CREBBP: variants seen among roughly 807,000 people sequenced by gnomAD.
CREBBP encodes the protein CREB-binding protein.
A neutral mutation model predicts 265.0 loss-of-function variants in CREBBP; 19 were observed. The observed-to-expected ratio is 0.07, with a 90% confidence interval of 0.05 to 0.11. The LOEUF (loss-of-function observed/expected upper bound fraction) is 0.11, where lower values mean the gene tolerates loss of function less well. Ranked by LOEUF, CREBBP falls within the 10% of genes least tolerant of loss-of-function variation. The pLI, the probability that CREBBP is intolerant of heterozygous loss-of-function variation, is 1.00. For missense variants in CREBBP, 2,525 were observed against 3,219.0 expected (o/e 0.78, Z 5.22); for synonymous variants, 1,457 against 1,223.7 (o/e 1.19, Z -3.98).
chr16:3,726,544 A>G lies in CREBBP; in HGVS notation c.*1174T>C. On this transcript the variant is annotated 3_prime_UTR_variant, in exon 31 of 31. Transcript: ENST00000262367. ...CCGCAGCCCCAGCCTCTCCGCTATG[A>G]GCGAACAACCAGAACCATGTCTTAC... 4.3e-6 allele frequency: 1 copy of G among 233,812 alleles called. No individual in the cohort carries two copies. Among genetic ancestry groups the G allele is most frequent in the Non-Finnish European group, 8.5e-6 (1 of 118,062 alleles). 14.5% of individuals were successfully genotyped at this position (233,812 alleles called of 1,614,324 possible).
At chr16:3,836,639 T>G (rs1464149860) in intron 2 of CREBBP, among the ~76,000 whole-genome samples, 2 of 151,878 alleles carry the variant, frequency 1.3e-5, no homozygotes, top group East Asian at 3.9e-4. Context: ...AAATTACAAC[T>G]CCAAAAATAA....
At chr16:3,790,957 G>C (rs545952609) in intron 5 of CREBBP, among the ~76,000 whole-genome samples, 23 of 152,246 alleles carry the variant, frequency 1.5e-4, no homozygotes, top group African/African-American at 5.3e-4. Context: ...ATGTTCTCCA[G>C]GCAGCTGCGG....
intron 2 of CREBBP, 90 bp downstream of exon 2, chr16:3,850,207 G>T (rs376051173): frequency 1.1e-5 from 14 of 1,307,602 alleles, no homozygotes; most frequent in African/African-American, 1.5e-5. Flanking sequence ...GGAAAAACAG[G>T]AGTGGGCCAC....
In CREBBP at chr16:3,728,423, T is replaced by G. The variant is rs142545779; in HGVS notation, c.6624A>C (p.Gln2208His). ...CTTGCTGCTGCTGCTGTTGCTGCTGTTGTTGCTGCTGCTGTTGCTGCTGCT... is the reference window on the plus strand; with the variant it reads ...CTTGCTGCTGCTGCTGTTGCTGCTGGTGTTGCTGCTGCTGTTGCTGCTGCT... ...LQQQQQQQQQQQQQQQQQQGS... is the reference protein window; with the variant it reads ...LQQQQQQQQQHQQQQQQQQGS... The change falls in exon 31 of 31, where the codon CAA (glutamine) becomes CAC (histidine). Residue 2208 changes from glutamine (Q) to histidine (H), a missense_variant. Physicochemically the swap from Gln to His is conservative, Grantham distance 24. Around this residue, in one of 19 missense-constraint regions of CREBBP, gnomAD observed 473 missense variants for 459.3 expected, o/e 1.03. Transcript: ENST00000262367. This position sits in a 1 kb window ranked among gnomAD's most constrained non-coding sequence, Gnocchi z 8.7. 1.6e-3 allele frequency: 2,647 copies of G among 1,612,542 alleles called. 6 individuals carry two copies. The highest frequency in any genetic ancestry group is 1.6e-3 in the Non-Finnish European group (1,930 of 1,179,046).
chr16:3,817,475 C>T (rs2054060734), intron 2 of CREBBP, among the ~76,000 whole-genome samples: 1 of 143,240 alleles, frequency 7.0e-6, no homozygotes, highest in South Asian at 2.1e-4. Context: ...AATCTCTCTA[C>T]TACTCACCTA....
chr16:3,734,386 C>T (rs1009969400), intron 28 of CREBBP, among the ~76,000 whole-genome samples: 1 of 152,188 alleles, frequency 6.6e-6, no homozygotes, highest in African/African-American at 2.4e-5. Flanking sequence ...CATCCCGCCT[C>T]CTAACACATG....
rs1240552933 is a variant in CREBBP, at chr16:3,879,966, A to AGGGCCCGGACGGGGGTCGG, written c.-69_-51dup. 39 of 1,553,068 alleles carry AGGGCCCGGACGGGGGTCGG rather than the reference A, an allele frequency of 2.5e-5. No homozygotes were observed. The highest frequency in any genetic ancestry group is 1.6e-5 in the Non-Finnish European group (18 of 1,144,100). On this transcript the variant is annotated 5_prime_UTR_variant, in exon 1 of 31. Transcript: ENST00000262367. ...CCGGGCACGGGCGGCCGGGCCGGCGAGGGCCCGGACGGGGGTCGGGGGCCC... is the reference window on the plus strand; with the variant it reads ...CCGGGCACGGGCGGCCGGGCCGGCGAGGGCCCGGACGGGGGTCGGGGGCCCGGACGGGGGTCGGGGGCCC...
At position 3,731,526 on chromosome 16, in the gene CREBBP, G is replaced by A. The variant is rs2151317973; in HGVS notation, c.4891-53C>T. ...ACACAAGGGACATGGCACCTCCAGT[G>A]GTGAGCTCAGGGCAGGCGCAGCCAC... On this transcript the variant is annotated intron_variant, in intron 29 of 30. Transcript: ENST00000262367. The surrounding 1 kb of genome is among the most constrained non-coding windows in gnomAD (Gnocchi z 7.7). 1 of 1,551,066 alleles carries A rather than the reference G, an allele frequency of 6.4e-7. No individual in the cohort carries two copies. Among genetic ancestry groups the A allele is most frequent in the Non-Finnish European group, 8.7e-7 (1 of 1,150,796 alleles).
At chr16:3,780,533 T>G (rs531938539) in intron 8 of CREBBP, among the ~76,000 whole-genome samples, 199 bp downstream of exon 8, 1 of 152,188 alleles carries the variant, frequency 6.6e-6, no homozygotes, top group South Asian at 2.1e-4. Context: ...ATGCTCTCTT[T>G]GTCACCCCCG....
In CREBBP at chr16:3,782,755, T is replaced by C; in HGVS notation, c.1502A>G (p.Gln501Arg). The change falls in exon 6 of 31, where the codon CAG (glutamine) becomes CGG (arginine). Residue 501 changes from glutamine (Q) to arginine (R), a missense_variant. Gln to Arg is a conservative substitution (Grantham distance 43). Around this residue, in one of 19 missense-constraint regions of CREBBP, gnomAD observed 144 missense variants for 134.0 expected, o/e 1.07. Coordinates refer to ENST00000262367, the MANE Select transcript of CREBBP (RefSeq NM_004380.3). ...PYMNQPQTQL[Q>R]PQVPGQQPAQ... ...TGGTTGCTGGCCAGGAACCTGAGGCTGCAGCTGCGTCTGGGGCTGGTTCAT... is the reference window on the plus strand; with the variant it reads ...TGGTTGCTGGCCAGGAACCTGAGGCCGCAGCTGCGTCTGGGGCTGGTTCAT... 2 of 1,614,194 alleles carry C rather than the reference T, an allele frequency of 1.2e-6. No homozygotes were observed. The highest frequency in any genetic ancestry group is 1.1e-5 in the South Asian group (1 of 91,084).
intron 24 of CREBBP, among the ~76,000 whole-genome samples, chr16:3,740,126 G>T (rs992578588): frequency 6.6e-6 from 1 of 152,184 alleles, no homozygotes; most frequent in Non-Finnish European, 1.5e-5. Context: ...CACAGCAAGA[G>T]ATTAACAAGA....
intron 2 of CREBBP, among the ~76,000 whole-genome samples, chr16:3,830,176 C>T (rs555926958): frequency 3.6e-4 from 55 of 152,184 alleles, no homozygotes; most frequent in African/African-American, 1.1e-3. Context: ...GTGGGCAGAT[C>T]GCTTGAGCTC....
chr16:3,794,924 A>G (rs1408428708), intron 3 of CREBBP, among the ~76,000 whole-genome samples: 1 of 152,186 alleles, frequency 6.6e-6, no homozygotes, highest in Non-Finnish European at 1.5e-5. Flanking sequence ...AAAGTACGCC[A>G]CTCGGATTTT....
chr16:3,745,444 T>A, intron 21 of CREBBP, 90 bp from the exon 22 acceptor site: 1 of 1,165,692 alleles, frequency 8.6e-7, no homozygotes, highest in Non-Finnish European at 1.3e-6. Flanking sequence ...CCACACCTTG[T>A]TCTCTGGGTT....
chr16:3,767,698 A>C (rs918554450), intron 16 of CREBBP, 22 bp downstream of exon 16: 2 of 1,614,242 alleles, frequency 1.2e-6, no homozygotes, highest in East Asian at 2.2e-5. Flanking sequence ...TGCTTTAATA[A>C]GGTAATGAAT....
At chr16:3,849,170 G>C (rs1002587349) in intron 2 of CREBBP, among the ~76,000 whole-genome samples, 1 of 152,144 alleles carries the variant, frequency 6.6e-6, no homozygotes, top group Non-Finnish European at 1.5e-5. Flanking sequence ...TCTGGCCGCA[G>C]AGCATCCACA....
intron 1 of CREBBP, among the ~76,000 whole-genome samples, chr16:3,861,997 C>T (rs1370541679): frequency 1.3e-5 from 2 of 152,128 alleles, no homozygotes; most frequent in African/African-American, 4.8e-5. Context: ...CTCTCCTCCC[C>T]AGGAGAAGGA....
chr16:3,736,122 C>T lies in CREBBP; in HGVS notation c.4642G>A (p.Val1548Met). ...PYFEGDFWPN[V>M]LEESIKELEQ... ...AGTTCCTTAATGCTCTCTTCTAACA[C>T]ATTGGGCCAGAAATCACCTTCAAAA... The change falls in exon 28 of 31, where the codon GTG becomes ATG. Residue 1548 changes from valine (V) to methionine (M), a missense_variant. Coordinates refer to ENST00000262367, the MANE Select transcript of CREBBP (RefSeq NM_004380.3). 6.2e-7 allele frequency: 1 copy of T among 1,614,238 alleles called. No homozygotes were observed. Among genetic ancestry groups the T allele is most frequent in the Non-Finnish European group, 8.5e-7 (1 of 1,180,042 alleles).
chr16:3,854,246 A>T (rs2054914842), intron 1 of CREBBP, among the ~76,000 whole-genome samples: 3 of 152,214 alleles, frequency 2.0e-5, no homozygotes, highest in Non-Finnish European at 4.4e-5. Context: ...ACCATTGTGG[A>T]AAAGGTGTTC....
Sources: gnomAD v4.1 joint callset for allele counts (sites outside exome capture counted in the v4.1 genomes callset) on GRCh38, gnomAD v4.1.1 for gene constraint, gnomAD v4.1.1 regional missense constraint, Gnocchi (gnomAD v3.1) non-coding constraint, MANE v1.5 for transcripts, NCBI Gene and HGNC (gene_info 2026-07-23, HGNC 2026-07-21) for gene names.